Variants in SRP54 observed in about 807,000 individuals in gnomAD.
SRP54 encodes signal recognition particle subunit SRP54.
SRP54 carries 10 observed loss-of-function variants against 64.8 expected under a neutral mutation model. The observed-to-expected ratio is 0.15, with a 90% CI of 0.10 to 0.26. SRP54 has a LOEUF of 0.26. SRP54 is among the 10% of genes least tolerant of loss of function. The pLI is 1.00. For synonymous variants in SRP54, 193 were observed against 185.6 expected, an observed-to-expected ratio of 1.04 and a Z score of -0.32; for missense variants, 325 against 613.7, an observed-to-expected ratio of 0.53 and a Z score of 4.97.
intron 1 of SRP54, among the ~76,000 whole-genome samples, chr14:34,988,582 T>TATATATATATATATATATATATATATAAC (rs1555352771): frequency 1.3e-3 from 45 of 34,982 alleles, no homozygotes; most frequent in African/African-American, 1.8e-3. Context: ...AAAAAAAATA[T>TATATATATATATATATATATATATATAAC]ATATATATAT....
intron 1 of SRP54, among the ~76,000 whole-genome samples, chr14:34,996,212 T>A (rs891297324): frequency 6.6e-6 from 1 of 152,224 alleles, no homozygotes; most frequent in Non-Finnish European, 1.5e-5. Context: ...AGAAAAGTTA[T>A]TAAAACCTTT....
At chr14:35,008,483 C>T (rs1361293380) in intron 5 of SRP54, 144 bp from the exon 6 acceptor site, 2 of 496,664 alleles carry the variant, frequency 4.0e-6, no homozygotes, top group Middle Eastern at 6.1e-4. Flanking sequence ...TTGCCACATT[C>T]AAAAATCTTT....
In SRP54 at chr14:35,018,639, G is replaced by T; in HGVS notation, c.974-53G>T. 5.7e-6 allele frequency: 8 copies of T among 1,410,526 alleles called. No homozygotes were observed. In the South Asian group the frequency reaches 9.8e-5, roughly 17 times the overall value. The allele number at this position is 1,410,526 out of a possible 1,614,324, so 87.4% of individuals were successfully genotyped here. A position where few individuals can be genotyped will look rare whatever the true frequency, so the allele number is the denominator to read the frequency against. ...GATTAAGGAATAAATTAGTTTTGTTGAATGGAAATGTACATACTTTAATAT... is the reference window on the plus strand; with the variant it reads ...GATTAAGGAATAAATTAGTTTTGTTTAATGGAAATGTACATACTTTAATAT... On this transcript the variant is annotated intron_variant, in intron 11 of 15. Transcript: ENST00000216774.
intron 2 of SRP54, 60 bp from the exon 3 acceptor site, chr14:34,999,498 T>A: frequency 7.7e-7 from 1 of 1,306,866 alleles, no homozygotes; most frequent in Non-Finnish European, 1.1e-6. Context: ...AACAATTGTT[T>A]TTATGGAACT....
intron 1 of SRP54, among the ~76,000 whole-genome samples, chr14:34,986,924 AT>A (rs2043904140): frequency 6.6e-6 from 1 of 151,794 alleles, no homozygotes; most frequent in African/African-American, 2.4e-5. Flanking sequence ...AACAAATGTT[AT>A]TTTAACAGTT....
At chr14:35,014,658 A>G (rs1003404879) in intron 10 of SRP54, 86 bp from the exon 11 acceptor site, 4 of 1,012,944 alleles carry the variant, frequency 3.9e-6, no homozygotes, top group Middle Eastern at 4.5e-4. Context: ...TAACCTCACA[A>G]GGTTATTATG....
chr14:34,988,642 A>C (rs1368936815), intron 1 of SRP54, among the ~76,000 whole-genome samples: 1 of 142,440 alleles, frequency 7.0e-6, no homozygotes, highest in Non-Finnish European at 1.5e-5. Context: ...CAATACCTAT[A>C]GGCCATTTTG....
intron 1 of SRP54, among the ~76,000 whole-genome samples, chr14:34,983,934 G>C (rs2043851445): frequency 6.6e-6 from 1 of 152,158 alleles, no homozygotes; most frequent in Non-Finnish European, 1.5e-5. Context: ...TGCTCCTTAG[G>C]TGCTTTGTGA....
chr14:35,022,415 GGCGCA>G (rs2044548724), intron 13 of SRP54, among the ~76,000 whole-genome samples: 1 of 151,478 alleles, frequency 6.6e-6, no homozygotes, highest in Non-Finnish European at 1.5e-5. Context: ...GGAGTGCAAT[GGCGCA>G]ATCTTGGCTC....
Position 34,996,845 on chromosome 14 carries a change from G to T in SRP54, c.78+58G>T, listed in dbSNP as rs559732725. The T allele has an allele frequency of 1.2e-5, 14 of 1,217,150 alleles. No homozygotes were observed. In the South Asian group the frequency reaches 1.5e-4, roughly 13 times the overall value. 75.4% of individuals were successfully genotyped at this position (1,217,150 alleles called of 1,614,324 possible). A position where few individuals can be genotyped will look rare whatever the true frequency, so the allele number is the denominator to read the frequency against. The stretch of plus-strand genomic sequence containing the variant: ...TGTATATTGTCACTAGCATTGGGAA[G>T]ATGGCTTATTCATAATCCCTGTATT... On this transcript the variant is annotated intron_variant, in intron 2 of 15. Coordinates refer to ENST00000216774, the MANE Select transcript of SRP54 (RefSeq NM_003136.4).
intron 1 of SRP54, among the ~76,000 whole-genome samples, chr14:34,983,431 T>C (rs1446391856): frequency 6.6e-6 from 1 of 152,244 alleles, no homozygotes; most frequent in Non-Finnish European, 1.5e-5. Flanking sequence ...CCGATTTACC[T>C]GAGCCAAATA....
intron 4 of SRP54, 24 bp downstream of exon 4, chr14:35,001,044 T>C: frequency 7.6e-7 from 1 of 1,308,558 alleles, no homozygotes. Flanking sequence ...AAGATTATGC[T>C]GTGATTCTAT....
intron 1 of SRP54, among the ~76,000 whole-genome samples, chr14:34,992,439 T>A (rs2138966937): frequency 6.6e-6 from 1 of 152,260 alleles, no homozygotes; most frequent in East Asian, 1.9e-4. Context: ...AGATTTATAT[T>A]TAAGAATTTA....
chr14:34,994,416 AAG>A (rs2138970853), intron 1 of SRP54, among the ~76,000 whole-genome samples: 1 of 152,282 alleles, frequency 6.6e-6, no homozygotes, highest in East Asian at 1.9e-4. Flanking sequence ...AGTTGTTTTG[AAG>A]AGTTACCTTT....
Position 35,028,617 on chromosome 14 carries a change from A to G in SRP54, c.1423+434A>G, listed in dbSNP as rs550535307. ...AATTGTGACAATTAAATGAGATAAT[A>G]TATATGAAGACATTCAGTACAATTC... On this transcript the variant is annotated intron_variant, in intron 15 of 15. Coordinates refer to ENST00000216774, the MANE Select transcript of SRP54 (RefSeq NM_003136.4). 2.0e-5 allele frequency among the ~76,000 whole-genome samples: 3 copies of G among 152,232 alleles called. 1 individual carries two copies. In the South Asian group the frequency reaches 6.2e-4, roughly 31 times the overall value.
Position 35,014,844 on chromosome 14 carries a change from A to C in SRP54, c.973+14A>C. On this transcript the variant is annotated intron_variant, in intron 11 of 15. Transcript: ENST00000216774. ...AGTTGAAACATGGTATATGAGTGAC[A>C]AAAAAGCACTTCATCTCAGATTTCT... The C allele has an allele frequency of 6.4e-7, 1 of 1,572,736 alleles. No homozygotes were observed. Among genetic ancestry groups the C allele is most frequent in the East Asian group, 2.2e-5 (1 of 44,574 alleles).
At chr14:34,999,960 C>T (rs12437158) in intron 3 of SRP54, 62,831 of 169,088 alleles carry the variant, frequency 0.37, 12,392 homozygotes, top group East Asian at 0.7. Flanking sequence ...ACAATTCAGG[C>T]TCTTCATAGA....
At chr14:35,013,657 A>AG in intron 9 of SRP54, 145 bp from the exon 10 acceptor site, 1 of 1,041,998 alleles carries the variant, frequency 9.6e-7, no homozygotes, top group Non-Finnish European at 1.4e-6. Flanking sequence ...TGTCTGATAT[A>AG]GGTCTATTAT....
chr14:34,984,930 T>C (rs1046082523), intron 1 of SRP54, among the ~76,000 whole-genome samples: 1 of 150,872 alleles, frequency 6.6e-6, no homozygotes, highest in Non-Finnish European at 1.5e-5. Context: ...TTTTTCACTA[T>C]GACATATGTC....
Sources: gnomAD v4.1 joint callset for allele counts (sites outside exome capture counted in the v4.1 genomes callset) on GRCh38, gnomAD v4.1.1 for gene constraint, MANE v1.5 for transcripts, NCBI Gene and HGNC (gene_info 2026-07-23, HGNC 2026-07-21) for gene names.